The following BLK variants were observed in gnomAD, a reference collection of about 807,000 sequenced individuals.
The protein encoded by BLK is tyrosine-protein kinase Blk.
A neutral mutation model predicts 61.8 loss-of-function variants in BLK; 64 were observed. The ratio of observed to expected loss-of-function variants is 1.03; its 90% CI spans 0.85 to 1.27. The LOEUF (loss-of-function observed/expected upper bound fraction) is 1.27. Ranked by LOEUF, BLK falls within the 50% of genes most tolerant of loss-of-function variation. The probability of loss-of-function intolerance (pLI) is 0.00; values close to 1 mark genes in which losing one functional copy is unlikely to be tolerated. For missense variants in BLK, 853 were observed against 660.5 expected (o/e 1.29, Z -3.19); for synonymous variants, 351 against 272.0 (o/e 1.29, Z -2.86).
At chr8:11,525,031 A>G (rs1309080992) in intron 1 of BLK, among the ~76,000 whole-genome samples, 1 of 152,052 alleles carries the variant, frequency 6.6e-6, no homozygotes, top group Non-Finnish European at 1.5e-5. Context: ...TGAATTTCCT[A>G]TATCAAAAGC....
At chr8:11,524,594 C>G (rs6993123) in intron 1 of BLK, among the ~76,000 whole-genome samples, 3,084 of 152,260 alleles carry the variant, frequency 0.02, 95 homozygotes, top group African/African-American at 0.07. Flanking sequence ...GTTATGTATG[C>G]TCTTGAGCGT....
intron 1 of BLK, among the ~76,000 whole-genome samples, chr8:11,515,496 C>T (rs1358262964): frequency 2.6e-5 from 4 of 152,132 alleles, no homozygotes; most frequent in Non-Finnish European, 4.4e-5. Context: ...TCCCTGCTCC[C>T]CTTTAATTGC....
chr8:11,530,585 C>G (rs1799844527), intron 1 of BLK, among the ~76,000 whole-genome samples: 1 of 152,152 alleles, frequency 6.6e-6, no homozygotes, highest in Non-Finnish European at 1.5e-5. Flanking sequence ...AAATAATTTC[C>G]AAATTCTGGA....
At position 11,496,586 on chromosome 8, in the gene BLK, G is replaced by C. The variant is rs1345559288; in HGVS notation, c.-2+1995G>C. 2.6e-5 allele frequency among the ~76,000 whole-genome samples: 4 copies of C among 152,300 alleles called. No homozygotes were observed. The East Asian group carries it at 7.7e-4, about 29-fold the overall frequency. ...CTTTGCTCTGTGGCAGGGGCTGCAG[G>C]ACGGAATACACTCTCATCTGCCCAG... is the stretch of plus-strand genomic sequence containing the variant. On this transcript the variant is annotated intron_variant, in intron 1 of 12. Transcript: ENST00000259089.
intron 1 of BLK, among the ~76,000 whole-genome samples, chr8:11,526,563 A>G (rs1799659186): frequency 6.6e-6 from 1 of 152,124 alleles, no homozygotes. Context: ...TAATACAAAT[A>G]CAAAAATTAG....
intron 1 of BLK, among the ~76,000 whole-genome samples, chr8:11,542,071 G>A (rs1046149350): frequency 5.9e-5 from 9 of 152,154 alleles, no homozygotes; most frequent in African/African-American, 2.2e-4. Context: ...CTTTTTCAAG[G>A]TGGGTTTGAG....
In BLK at chr8:11,564,157, C is replaced by T; in HGVS notation, c.*49C>T. ...GTGCCCACCTCTGCGCGGACGACCC[C>T]GACTTCCGTGCCATCCCAGACGGGC... On this transcript the variant is annotated 3_prime_UTR_variant, in exon 13 of 13. Coordinates refer to ENST00000259089, the MANE Select transcript of BLK (RefSeq NM_001715.3). 1 of 1,527,098 alleles carries T rather than the reference C, an allele frequency of 6.5e-7. No homozygotes were observed. The highest frequency in any genetic ancestry group is 8.8e-7 in the Non-Finnish European group (1 of 1,139,754). 94.6% of individuals were successfully genotyped at this position (1,527,098 alleles called of 1,614,324 possible).
chr8:11,560,542 G>C, intron 10 of BLK: 1 of 286,156 alleles, frequency 3.5e-6, no homozygotes, highest in Non-Finnish European at 6.9e-6. Context: ...TTCTGCCTCA[G>C]TTTCTTCGTC....
intron 12 of BLK, 77 bp from the exon 13 acceptor site, chr8:11,563,826 C>A: frequency 7.0e-7 from 1 of 1,419,334 alleles, no homozygotes; most frequent in South Asian, 1.3e-5. Flanking sequence ...CCCACTGTGC[C>A]CCGCGGGACG....
chr8:11,563,256 G>C (rs1801574472), intron 12 of BLK, 146 bp downstream of exon 12: 1 of 1,229,366 alleles, frequency 8.1e-7, no homozygotes, highest in Non-Finnish European at 1.1e-6. Flanking sequence ...TGGCATCTGG[G>C]GTGGAGCTCT....
intron 10 of BLK, chr8:11,558,897 C>G: frequency 2.2e-6 from 1 of 456,194 alleles, no homozygotes; most frequent in Non-Finnish European, 4.4e-6. Flanking sequence ...CACCTCGCCC[C>G]TCGCCCAGCC....
In BLK at chr8:11,557,966, C is replaced by A. The variant is rs767739379; in HGVS notation, c.957C>A (p.Cys319Ter). The stretch of plus-strand genomic sequence containing the variant: ...TTGCAACTTCTCTTTTCTTAGGATG[C>A]CTGCTGGATTTCCTGAAGACAGATG... ...YIVTEYMARGCLLDFLKTDEG... is the reference protein window; with the variant it reads ...YIVTEYMARG Residue 319 changes from cysteine (C) to a stop codon, truncating the protein, a stop_gained, in exon 10 of 13, where the codon TGC (cysteine) becomes TGA (stop). Coordinates refer to ENST00000259089, the MANE Select transcript of BLK (RefSeq NM_001715.3). LOFTEE classifies it high-confidence loss of function. 6.2e-7 allele frequency: 1 copy of A among 1,613,790 alleles called. No homozygotes were observed. Among genetic ancestry groups the A allele is most frequent in the Non-Finnish European group, 8.5e-7 (1 of 1,179,848 alleles).
Position 11,556,680 on chromosome 8 carries a change from G to A in BLK, c.795G>A (p.Lys265=), listed in dbSNP as rs758119170. The A allele has an allele frequency of 2.3e-5, 37 of 1,614,068 alleles. No homozygotes were observed. In the East Asian group the frequency reaches 3.3e-4, roughly 15 times the overall value. The stretch of plus-strand genomic sequence containing the variant: ...CAGGTTACTACAAAAACAACATGAA[G>A]GTGGCCATTAAGACGCTGAAGGAGG... ...VWMGYYKNNM[K]VAIKTLKEGT... is the part of the protein sequence containing the mutation. The change falls in exon 9 of 13, where the codon AAG becomes AAA. Residue 265 remains lysine (K), a synonymous_variant. Transcript: ENST00000259089.
Position 11,556,105 on chromosome 8 carries a change from C to G in BLK, c.773-553C>G, listed in dbSNP as rs547398447. The G allele has an allele frequency of 1.3e-3, 306 of 228,396 alleles. 7 individuals are homozygous for G. In the South Asian group the frequency reaches 0.022, roughly 16 times the overall value. The allele number at this position is 228,396 out of a possible 1,614,324, so 14.1% of individuals were successfully genotyped here. A position where few individuals can be genotyped will look rare whatever the true frequency, so the allele number is the denominator to read the frequency against. ...CACGGTGCTTTTGGCAGGAGCTGTA[C>G]CCAGGTCCCTGCCAAGGCCCATGTC... On this transcript the variant is annotated intron_variant, in intron 8 of 12. Transcript: ENST00000259089.
Position 11,504,341 on chromosome 8 carries a change from GAGGA to G in BLK, c.-2+9773_-2+9776del, listed in dbSNP as rs200525228. 3.1e-3 allele frequency among the ~76,000 whole-genome samples: 389 copies of G among 125,862 alleles called. 5 individuals are homozygous for G. The highest frequency in any genetic ancestry group is 4.7e-3 in the African/African-American group (144 of 30,640). 82.6% of individuals were successfully genotyped at this position (125,862 alleles called of 152,430 possible). On this transcript the variant is annotated intron_variant, in intron 1 of 12. Transcript: ENST00000259089. The stretch of plus-strand genomic sequence containing the variant: ...CCATCTCAAAATAAAGAAAGGAAGG[GAGGA>G]AGGAAGGAAGGAAGGAAGGAAGAAA...
At chr8:11,547,522 C>T (rs2117477874) in intron 3 of BLK, among the ~76,000 whole-genome samples, 1 of 152,324 alleles carries the variant, frequency 6.6e-6, no homozygotes, top group East Asian at 1.9e-4. Context: ...CACTGGCAGC[C>T]ATAGACAGTG....
chr8:11,498,083 A>C (rs1438865761), intron 1 of BLK, among the ~76,000 whole-genome samples: 1 of 152,184 alleles, frequency 6.6e-6, no homozygotes, highest in Non-Finnish European at 1.5e-5. Context: ...TAATCAAGGA[A>C]GTTTTCTCAC....
chr8:11,545,225 G>C (rs188318504), intron 2 of BLK, among the ~76,000 whole-genome samples: 1 of 152,224 alleles, frequency 6.6e-6, no homozygotes, highest in Non-Finnish European at 1.5e-5. Context: ...TTATTCTTCT[G>C]TCATGAGGGT....
chr8:11,525,537 T>G (rs746395376), intron 1 of BLK, among the ~76,000 whole-genome samples: 5 of 152,250 alleles, frequency 3.3e-5, no homozygotes, highest in Non-Finnish European at 7.3e-5. Context: ...CTTTGCCAGT[T>G]CAGATCTCTT....
Sources: gnomAD v4.1 joint callset for allele counts (sites outside exome capture counted in the v4.1 genomes callset) on GRCh38, gnomAD v4.1.1 for gene constraint, MANE v1.5 for transcripts, NCBI Gene and HGNC (gene_info 2026-07-23, HGNC 2026-07-21) for gene names.